FRMD4A: variants seen among roughly 807,000 people sequenced by gnomAD.
FRMD4A encodes the protein FERM domain-containing protein 4A.
In FRMD4A, 29 loss-of-function variants were observed where a neutral mutation model predicts 129.1. The observed-to-expected ratio is 0.22, with a 90% CI of 0.17 to 0.31. The LOEUF (loss-of-function observed/expected upper bound fraction) is 0.31, where lower values mean the gene tolerates loss of function less well. FRMD4A is among the 10% of genes least tolerant of loss of function. The pLI is 1.00. For synonymous variants in FRMD4A, 634 were observed against 571.6 expected, an observed-to-expected ratio of 1.11 and a Z score of -1.56; for missense variants, 1,272 against 1,375.8, an observed-to-expected ratio of 0.92 and a Z score of 1.19.
intron 2 of FRMD4A, among the ~76,000 whole-genome samples, chr10:13,990,987 G>A (rs1443457269): frequency 6.6e-6 from 1 of 152,132 alleles, no homozygotes; most frequent in Non-Finnish European, 1.5e-5. Context: ...AGACACTGGG[G>A]CCAGGTTCCG....
At chr10:14,235,048 C>A (rs1843756204) in intron 2 of FRMD4A, among the ~76,000 whole-genome samples, 1 of 152,056 alleles carries the variant, frequency 6.6e-6, no homozygotes, top group Non-Finnish European at 1.5e-5. Flanking sequence ...GGGTAGTTCC[C>A]TTCAAGTCTC....
rs1554754970 is a variant in FRMD4A at position 14,089,645 on chromosome 10, A to AAAAAC, written c.46-230734_46-230733insGTTTT. ...AAAAAAAAAACAAAAAAAAACAAAC[A>AAAAAC]AAAAAAAAACAGAAGAAAGAAATAA... On this transcript the variant is annotated intron_variant, in intron 2 of 24. Coordinates refer to ENST00000357447, the MANE Select transcript of FRMD4A (RefSeq NM_018027.5). Among the ~76,000 whole-genome samples the AAAAAC allele has an allele frequency of 2.2e-5, 3 of 133,796 alleles. No individual in the cohort carries two copies. The Admixed American group carries it at 2.3e-4, about 10-fold the overall frequency. The allele number at this position is 133,796 out of a possible 152,430, so 87.8% of individuals were successfully genotyped here.
intron 2 of FRMD4A, among the ~76,000 whole-genome samples, chr10:14,147,463 T>G (rs530720258): frequency 1.3e-5 from 2 of 152,280 alleles, no homozygotes; most frequent in South Asian, 4.2e-4. Flanking sequence ...TGGGCTTTAT[T>G]TGTATTATTA....
chr10:14,131,475 A>G (rs1839256224), intron 2 of FRMD4A, among the ~76,000 whole-genome samples: 1 of 150,326 alleles, frequency 6.7e-6, no homozygotes, highest in East Asian at 2.1e-4. Context: ...AAGTCCAGTT[A>G]CGTGTGACTG....
chr10:13,990,736 G>A (rs529967811), intron 2 of FRMD4A, among the ~76,000 whole-genome samples: 3 of 152,258 alleles, frequency 2.0e-5, no homozygotes, highest in African/African-American at 4.8e-5. Context: ...TCTCCAGATC[G>A]GAAACTCAGA....
intron 2 of FRMD4A, among the ~76,000 whole-genome samples, chr10:14,170,698 A>G (rs1394102525): frequency 6.6e-6 from 1 of 152,172 alleles, no homozygotes; most frequent in Non-Finnish European, 1.5e-5. Flanking sequence ...TCCACTCTCT[A>G]TTTACCGCAC....
chr10:13,651,761 G>GTTCCAGTTCCCCATGTATC, intron 24 of FRMD4A, 142 bp downstream of exon 24: 1 of 607,564 alleles, frequency 1.6e-6, no homozygotes, highest in Non-Finnish European at 2.9e-6. Context: ...TAAAAACATA[G>GTTCCAGTTCCCCATGTATC]TTCCAGTTCC....
intron 2 of FRMD4A, among the ~76,000 whole-genome samples, chr10:14,183,925 T>C (rs1841990110): frequency 1.3e-5 from 2 of 152,078 alleles, no homozygotes; most frequent in African/African-American, 4.8e-5. Context: ...TTAAACATCA[T>C]AGTAATCATA....
intron 2 of FRMD4A, among the ~76,000 whole-genome samples, chr10:14,314,717 C>G (rs1163197478): frequency 6.6e-6 from 1 of 152,110 alleles, no homozygotes. Flanking sequence ...GAGTTTATAG[C>G]AATATTCACC....
chr10:13,663,950 G>C lies in FRMD4A; in HGVS notation c.1604-441C>G, dbSNP rs116338855. On this transcript the variant is annotated intron_variant, in intron 18 of 24. Coordinates refer to ENST00000357447, the MANE Select transcript of FRMD4A (RefSeq NM_018027.5). The stretch of plus-strand genomic sequence containing the variant: ...TTGCTTTGCTTCTGTGGCAATAAAT[G>C]GCTTCTCAATAAACTTTGTAAGTCA... 6.7e-3 allele frequency among the ~76,000 whole-genome samples: 1,017 copies of C among 152,324 alleles called. 12 individuals carry two copies. The highest frequency in any genetic ancestry group is 0.023 in the African/African-American group (942 of 41,562).
At chr10:13,720,455 C>T (rs76288028) in intron 12 of FRMD4A, among the ~76,000 whole-genome samples, 2,626 of 152,280 alleles carry the variant, frequency 0.017, 86 homozygotes, top group African/African-American at 0.06. Context: ...TATTCTGCTC[C>T]GGCAACTTTT....
At chr10:13,657,787 G>GTTTTTTTTTTTTTTTTTTTTTTT (rs1204181870) in intron 21 of FRMD4A, among the ~76,000 whole-genome samples, 2 of 110,960 alleles carry the variant, frequency 1.8e-5, no homozygotes, top group Non-Finnish European at 1.9e-5. Context: ...TCGATTTCTG[G>GTTTTTTTTTTTTTTTTTTTTTTT]GTTTTTTTTT....
chr10:13,740,144 T>G, intron 11 of FRMD4A, 50 bp downstream of exon 11: 1 of 982,980 alleles, frequency 1.0e-6, no homozygotes, highest in Non-Finnish European at 1.6e-6. Flanking sequence ...ATGTTTTGAT[T>G]TGTTTGCTTA....
At chr10:14,267,963 T>C (rs749104299) in intron 2 of FRMD4A, among the ~76,000 whole-genome samples, 1 of 152,224 alleles carries the variant, frequency 6.6e-6, no homozygotes, top group Non-Finnish European at 1.5e-5. Flanking sequence ...AGCTTTGGTG[T>C]AGTCATTCAT....
At chr10:13,848,928 T>C (rs75549362) in intron 3 of FRMD4A, among the ~76,000 whole-genome samples, 4,506 of 152,330 alleles carry the variant, frequency 0.03, 108 homozygotes, top group South Asian at 0.066. Context: ...TTATTACAAA[T>C]AGATTTACCA....
intron 2 of FRMD4A, among the ~76,000 whole-genome samples, chr10:13,980,571 A>C (rs2095557054): frequency 6.6e-6 from 1 of 152,066 alleles, no homozygotes; most frequent in Non-Finnish European, 1.5e-5. Flanking sequence ...CTCTACAAAA[A>C]TAAAAAATAA....
At chr10:14,306,169 T>A (rs1397889750) in intron 2 of FRMD4A, among the ~76,000 whole-genome samples, 1 of 152,226 alleles carries the variant, frequency 6.6e-6, no homozygotes, top group African/African-American at 2.4e-5. Context: ...TGGGGAAATC[T>A]TTTTTAAAAA....
chr10:13,764,184 CGTGTGT>C (rs369852562), intron 6 of FRMD4A, among the ~76,000 whole-genome samples: 5,302 of 141,680 alleles, frequency 0.037, 126 homozygotes, highest in Non-Finnish European at 0.057. Context: ...CAAAGATTTC[CGTGTGT>C]GTGTGTGTGT....
At chr10:14,035,642 G>A (rs555787449) in intron 2 of FRMD4A, among the ~76,000 whole-genome samples, 2 of 152,144 alleles carry the variant, frequency 1.3e-5, no homozygotes, top group East Asian at 1.9e-4. Context: ...TTATTATAAC[G>A]GAGATCAGGA....
Sources: allele counts gnomAD v4.1 joint callset (sites outside exome capture counted in the v4.1 genomes callset), GRCh38; gene constraint gnomAD v4.1.1; transcripts MANE v1.5; gene names NCBI Gene and HGNC (gene_info 2026-07-23, HGNC 2026-07-21).